Variants in LTBP1 observed in about 807,000 individuals in gnomAD.
The protein encoded by LTBP1 is latent-transforming growth factor beta-binding protein 1.
In LTBP1, 129 loss-of-function variants were observed where a neutral mutation model predicts 207.6. That is an observed-to-expected ratio of 0.62 (90% CI 0.54 to 0.72). The LOEUF (loss-of-function observed/expected upper bound fraction) is 0.72, where lower values mean the gene tolerates loss of function less well. LTBP1 is among the 30% of genes least tolerant of loss of function. The pLI is 0.00. For synonymous variants in LTBP1, 963 were observed against 833.7 expected (o/e 1.16, Z -2.67); for missense variants, 2,281 against 2,217.2 (o/e 1.03, Z -0.58).
At chr2:33,154,861 G>A (rs1012644839) in intron 5 of LTBP1, among the ~76,000 whole-genome samples, 4 of 152,086 alleles carry the variant, frequency 2.6e-5, no homozygotes, top group Non-Finnish European at 2.9e-5. Context: ...TCAAGAGTTC[G>A]AAACTAGCCT....
chr2:33,035,596 G>A (rs1453323589), intron 3 of LTBP1, among the ~76,000 whole-genome samples: 6 of 152,130 alleles, frequency 3.9e-5, no homozygotes, highest in African/African-American at 9.7e-5. Context: ...TGAGAAATTC[G>A]GAAGAATGGA....
At chr2:33,262,593 A>G (rs2093048384) in intron 13 of LTBP1, 129 bp from the exon 14 acceptor site, 1 of 384,780 alleles carries the variant, frequency 2.6e-6, no homozygotes, top group Admixed American at 4.8e-5. Context: ...GTAAGGTCCT[A>G]TGATATTTCT....
chr2:33,173,428 A>G (rs1052862773), intron 5 of LTBP1, among the ~76,000 whole-genome samples: 2 of 152,212 alleles, frequency 1.3e-5, no homozygotes, highest in African/African-American at 4.8e-5. Context: ...ATTCCTTGAC[A>G]CATACACCCT....
intron 26 of LTBP1, among the ~76,000 whole-genome samples, chr2:33,348,236 C>G (rs1283921978): frequency 1.3e-5 from 2 of 152,048 alleles, no homozygotes; most frequent in African/African-American, 4.8e-5. Flanking sequence ...TCAGTTTTAT[C>G]CATGCTTCCA....
At chr2:33,108,430 G>A (rs1156361295) in intron 3 of LTBP1, among the ~76,000 whole-genome samples, 1 of 152,082 alleles carries the variant, frequency 6.6e-6, no homozygotes, top group Non-Finnish European at 1.5e-5. Flanking sequence ...GTTAACTTAA[G>A]TTCTAGACCT....
rs552416106 is a variant in LTBP1 at position 33,125,736 on chromosome 2, A to C, written c.1034-9057A>C. 8.9e-4 allele frequency among the ~76,000 whole-genome samples: 135 copies of C among 151,972 alleles called. 1 individual carries two copies. The highest frequency in any genetic ancestry group is 1.5e-3 in the South Asian group (7 of 4,796). ...TCCCAGCTGCTCGGGAGGCTGAGGC[A>C]GGAGAATCAGTTGAACCCGGGAGGT... On this transcript the variant is annotated intron_variant, in intron 4 of 33. Transcript: ENST00000404816.
chr2:33,256,571 A>G (rs1015821660), intron 11 of LTBP1, among the ~76,000 whole-genome samples: 3 of 151,570 alleles, frequency 2.0e-5, no homozygotes, highest in African/African-American at 7.3e-5. Context: ...CGGGAAAAAA[A>G]GCCTGATTTT....
Position 32,983,185 on chromosome 2 carries a change from A to T in LTBP1, c.565+34240A>T, listed in dbSNP as rs183631495. Among the ~76,000 whole-genome samples the T allele has an allele frequency of 4.2e-3, 637 of 152,316 alleles. 5 individuals carry two copies. The highest frequency in any genetic ancestry group is 0.015 in the African/African-American group (613 of 41,570). ...GTGACCTGGATGTGAAACAGAGTCA[A>T]AGGAGATCATTTTGGAACTTCAAGG... On this transcript the variant is annotated intron_variant, in intron 2 of 33. Transcript: ENST00000404816.
chr2:33,254,357 A>G (rs1338221730), intron 11 of LTBP1, among the ~76,000 whole-genome samples: 1 of 152,052 alleles, frequency 6.6e-6, no homozygotes, highest in African/African-American at 2.4e-5. Context: ...TAAAAGTGGA[A>G]GCTCAATTTT....
intron 20 of LTBP1, 71 bp from the exon 21 acceptor site, chr2:33,300,380 G>A (rs911608307): frequency 6.7e-7 from 1 of 1,490,650 alleles, no homozygotes; most frequent in African/African-American, 1.4e-5. Flanking sequence ...ATCCCAGAAT[G>A]CATTGCAGGG....
At chr2:32,952,027 A>G (rs1028153016) in intron 2 of LTBP1, among the ~76,000 whole-genome samples, 5 of 152,232 alleles carry the variant, frequency 3.3e-5, no homozygotes, top group Non-Finnish European at 5.9e-5. Context: ...GTTGAAGATA[A>G]TGAAGAATTT....
Position 33,360,498 on chromosome 2 carries a change from A to T in LTBP1, c.4001-99A>T, listed in dbSNP as rs559831272. 64 of 722,672 alleles carry T rather than the reference A, an allele frequency of 8.9e-5. No homozygotes were observed. The Admixed American group carries it at 1.3e-3, about 14-fold the overall frequency. 44.8% of individuals were successfully genotyped at this position (722,672 alleles called of 1,614,324 possible). A position where few individuals can be genotyped will look rare whatever the true frequency, so the allele number is the denominator to read the frequency against. ...AAGCATTTTCTATAAAGCAAATGCT[A>T]TTGACACGGTCACTCTTTCCCCCAT... On this transcript the variant is annotated intron_variant, in intron 26 of 33. Coordinates refer to ENST00000404816, the MANE Select transcript of LTBP1 (RefSeq NM_206943.4).
chr2:33,124,774 G>A (rs2081339191), intron 4 of LTBP1, among the ~76,000 whole-genome samples: 1 of 152,192 alleles, frequency 6.6e-6, no homozygotes, highest in Admixed American at 6.5e-5. Context: ...GAGTTTTACA[G>A]CCTATAAATT....
chr2:33,249,796 T>C (rs2149891880), intron 10 of LTBP1, among the ~76,000 whole-genome samples: 1 of 152,348 alleles, frequency 6.6e-6, no homozygotes, highest in African/African-American at 2.4e-5. Context: ...GACAAAGTAC[T>C]GTTTCAGTGT....
chr2:32,961,945 CAA>C (rs34607490), intron 2 of LTBP1, among the ~76,000 whole-genome samples: 15 of 98,388 alleles, frequency 1.5e-4, no homozygotes, highest in Admixed American at 4.0e-4. Flanking sequence ...AACTCCGTCT[CAA>C]AAAAAAAAAA....
rs148088752 is a variant in LTBP1 at position 33,032,044 on chromosome 2, G to T, written c.863+10838G>T. 4.5e-4 allele frequency among the ~76,000 whole-genome samples: 68 copies of T among 152,284 alleles called. No homozygotes were observed. The East Asian group carries it at 8.5e-3, about 19-fold the overall frequency. ...AGGGATCTGATTCCCTTTAAAACAG[G>T]AAGGATTCAGACTGCCAGTCAAGAA... On this transcript the variant is annotated intron_variant, in intron 3 of 33. Coordinates refer to ENST00000404816, the MANE Select transcript of LTBP1 (RefSeq NM_206943.4).
intron 2 of LTBP1, among the ~76,000 whole-genome samples, chr2:33,007,258 G>A (rs1381592613): frequency 6.6e-6 from 1 of 152,230 alleles, no homozygotes; most frequent in Non-Finnish European, 1.5e-5. Flanking sequence ...TGGGATTACA[G>A]GCGTGAGCCA....
At chr2:33,203,690 T>G (rs1307794542) in intron 7 of LTBP1, among the ~76,000 whole-genome samples, 1 of 152,216 alleles carries the variant, frequency 6.6e-6, no homozygotes, top group Non-Finnish European at 1.5e-5. Context: ...CAAATTACCA[T>G]ATTTTATACC....
At chr2:33,127,636 T>C (rs989077320) in intron 4 of LTBP1, among the ~76,000 whole-genome samples, 1 of 152,162 alleles carries the variant, frequency 6.6e-6, no homozygotes, top group Non-Finnish European at 1.5e-5. Flanking sequence ...GATAAGAATA[T>C]AGACTATTTT....
Sources: allele counts gnomAD v4.1 joint callset (sites outside exome capture counted in the v4.1 genomes callset), GRCh38; gene constraint gnomAD v4.1.1; transcripts MANE v1.5; gene names NCBI Gene and HGNC (gene_info 2026-07-23, HGNC 2026-07-21).